The following GLS variants were observed in gnomAD, a reference collection of about 807,000 sequenced individuals.
GLS encodes glutaminase kidney isoform, mitochondrial.
Under a neutral mutation model 86.7 loss-of-function variants are expected in GLS, and 36 were observed. That is an observed-to-expected ratio of 0.42 (90% CI 0.32 to 0.55). The LOEUF (loss-of-function observed/expected upper bound fraction) is 0.55, where lower values mean the gene tolerates loss of function less well. Among genes scored for constraint, GLS ranks in the 20% least tolerant of loss-of-function variants. The pLI is 0.17. For synonymous variants in GLS, 317 were observed against 305.9 expected (o/e 1.04, Z -0.38); for missense variants, 528 against 833.4 (o/e 0.63, Z 4.51).
rs568496814 is a variant in GLS at position 190,954,315 on chromosome 2, T to C, written c.1713-269T>C. On this transcript the variant is annotated intron_variant, in intron 15 of 17. Transcript: ENST00000320717. This position sits in a 1 kb window ranked among gnomAD's most constrained non-coding sequence, Gnocchi z 4.0. ...ACACAGTTGTGCCATAATTCTTAAG[T>C]TGCGAACAATAATGTAATAAAGTTT... 2.3e-4 allele frequency among the ~76,000 whole-genome samples: 35 copies of C among 152,198 alleles called. No individual in the cohort carries two copies. Among genetic ancestry groups the C allele is most frequent in the African/African-American group, 7.9e-4 (33 of 41,544 alleles).
At chr2:190,886,940 A>G (rs1224085459) in intron 1 of GLS, among the ~76,000 whole-genome samples, 1 of 151,864 alleles carries the variant, frequency 6.6e-6, no homozygotes, top group Non-Finnish European at 1.5e-5. Context: ...AAAAGAAAGT[A>G]ATAGTAAAAG....
At chr2:190,961,929 A>G (rs202036506) in intron 17 of GLS, among the ~76,000 whole-genome samples, 1 of 152,214 alleles carries the variant, frequency 6.6e-6, no homozygotes, top group East Asian at 1.9e-4. Context: ...ATGGATGAAG[A>G]AAGAGAGATC....
At chr2:190,894,615 C>T (rs1209579656) in intron 1 of GLS, among the ~76,000 whole-genome samples, 1 of 152,128 alleles carries the variant, frequency 6.6e-6, no homozygotes, top group East Asian at 1.9e-4. Context: ...TTAATTTACC[C>T]AAGGTTACAC....
At chr2:190,900,537 T>A in intron 3 of GLS, 27 bp from the exon 4 acceptor site, 1 of 1,426,780 alleles carries the variant, frequency 7.0e-7, no homozygotes, top group Non-Finnish European at 9.6e-7. Flanking sequence ...GTACCCAGTT[T>A]ATTAATTATC....
intron 1 of GLS, 161 bp downstream of exon 1, chr2:190,881,631 C>T: frequency 1.6e-6 from 1 of 630,458 alleles, no homozygotes; most frequent in Admixed American, 4.0e-5. Flanking sequence ...TGATTAGGCC[C>T]GGCCCCGCCC....
At chr2:190,903,111 C>T (rs1689005276) in intron 5 of GLS, among the ~76,000 whole-genome samples, 1 of 152,192 alleles carries the variant, frequency 6.6e-6, no homozygotes, top group Non-Finnish European at 1.5e-5. Context: ...AAGTGATCTT[C>T]CTGCCTTGGC....
intron 17 of GLS, among the ~76,000 whole-genome samples, chr2:190,957,752 G>A (rs1480559934): frequency 1.3e-5 from 2 of 152,204 alleles, no homozygotes; most frequent in African/African-American, 4.8e-5. Flanking sequence ...TCCCAGGGAT[G>A]AAGCCGACTT....
chr2:190,887,510 A>G (rs1559314039), intron 1 of GLS, among the ~76,000 whole-genome samples: 1 of 152,154 alleles, frequency 6.6e-6, no homozygotes, highest in Non-Finnish European at 1.5e-5. Context: ...GGATTAAGAA[A>G]TATATTTTTG....
intron 14 of GLS, among the ~76,000 whole-genome samples, chr2:190,944,830 C>T (rs1690539493): frequency 6.6e-6 from 1 of 152,110 alleles, no homozygotes; most frequent in African/African-American, 2.4e-5. Flanking sequence ...AAGGTAATAA[C>T]TTTTTCTATT....
chr2:190,898,639 C>CT (rs1006620009), intron 3 of GLS, among the ~76,000 whole-genome samples: 5 of 151,080 alleles, frequency 3.3e-5, no homozygotes, highest in Admixed American at 6.6e-5. Context: ...ATTATAAATC[C>CT]TTTTTTTTTG....
intron 11 of GLS, 114 bp from the exon 12 acceptor site, chr2:190,927,192 C>T (rs1053470096): frequency 3.6e-6 from 3 of 833,432 alleles, no homozygotes; most frequent in African/African-American, 3.6e-5. Flanking sequence ...TTAAAGTAAT[C>T]TCTTTGGAAG....
At chr2:190,889,051 TTAGTG>T (rs1042936658) in intron 1 of GLS, among the ~76,000 whole-genome samples, 9 of 152,204 alleles carry the variant, frequency 5.9e-5, no homozygotes, top group Non-Finnish European at 8.8e-5. Context: ...TGATCTCACT[TTAGTG>T]TAGTGATTTG....
At chr2:190,888,329 T>C (rs905776978) in intron 1 of GLS, among the ~76,000 whole-genome samples, 1 of 152,218 alleles carries the variant, frequency 6.6e-6, no homozygotes, top group Non-Finnish European at 1.5e-5. Flanking sequence ...CATCAAACTT[T>C]AAAAATTTAA....
chr2:190,940,972 CAG>C (rs1209172165), intron 14 of GLS, among the ~76,000 whole-genome samples: 11 of 152,102 alleles, frequency 7.2e-5, no homozygotes, highest in African/African-American at 1.2e-4. Context: ...AGCACACAAA[CAG>C]AATTATTTCA....
chr2:190,901,454 G>A (rs1688935357), intron 4 of GLS, among the ~76,000 whole-genome samples: 2 of 151,682 alleles, frequency 1.3e-5, no homozygotes, highest in Non-Finnish European at 2.9e-5. Context: ...TGGGGGTGGC[G>A]GAAGCAGAAA....
chr2:190,893,165 T>G (rs1688620410), intron 1 of GLS, among the ~76,000 whole-genome samples: 1 of 152,164 alleles, frequency 6.6e-6, no homozygotes, highest in South Asian at 2.1e-4. Flanking sequence ...GAATATTAGG[T>G]GGTGAGTATT....
intron 17 of GLS, among the ~76,000 whole-genome samples, chr2:190,961,257 G>T (rs1690993950): frequency 6.6e-6 from 1 of 152,144 alleles, no homozygotes. Context: ...GGAGTGCAGT[G>T]GCGTGATCTC....
intron 7 of GLS, among the ~76,000 whole-genome samples, chr2:190,916,810 G>T (rs1689548748): frequency 6.6e-6 from 1 of 152,142 alleles, no homozygotes; most frequent in East Asian, 1.9e-4. Flanking sequence ...TACGGAAGTT[G>T]TGTTTATACT....
chr2:190,883,762 A>T (rs1048279119), intron 1 of GLS, among the ~76,000 whole-genome samples: 3 of 152,234 alleles, frequency 2.0e-5, no homozygotes, highest in Admixed American at 2.0e-4. Flanking sequence ...CTGCTGATAA[A>T]TAAGTTCAGA....
Sources: allele counts gnomAD v4.1 joint callset (sites outside exome capture counted in the v4.1 genomes callset), GRCh38; gene constraint gnomAD v4.1.1; non-coding constraint Gnocchi (gnomAD v3.1); transcripts MANE v1.5; gene names NCBI Gene and HGNC (gene_info 2026-07-23, HGNC 2026-07-21).